The following UBAP2 variants were observed in gnomAD, a reference collection of about 807,000 sequenced individuals.
UBAP2 encodes ubiquitin-associated protein 2.
Under a neutral mutation model 139.6 loss-of-function variants are expected in UBAP2, and 75 were observed. The observed-to-expected ratio is 0.54, with a 90% CI of 0.45 to 0.65. The LOEUF (loss-of-function observed/expected upper bound fraction) is 0.65, where lower values mean the gene tolerates loss of function less well. Among genes scored for constraint, UBAP2 ranks in the 30% least tolerant of loss-of-function variants. The pLI, the probability that UBAP2 is intolerant of heterozygous loss-of-function variation, is 0.00. For synonymous variants in UBAP2, 526 were observed against 526.2 expected (o/e 1.00, Z 0.01); for missense variants, 1,368 against 1,369.6 (o/e 1.00, Z 0.02).
chr9:34,006,134 G>A (rs781276023), intron 2 of UBAP2, among the ~76,000 whole-genome samples: 2 of 151,712 alleles, frequency 1.3e-5, no homozygotes, highest in South Asian at 2.1e-4. Flanking sequence ...TTGGAAAGCC[G>A]AAGCAGGAGA....
At position 34,038,791 on chromosome 9, in the gene UBAP2, A is replaced by T. The variant is rs186470182; in HGVS notation, c.-42+10034T>A. On this transcript the variant is annotated intron_variant, in intron 1 of 28. Transcript: ENST00000379238. ...CCTCTGCCCTGCTGCCCAGACTGGG[A>T]AGTGAGGAGCGCCTCTTCCTGGCCG... Among the ~76,000 whole-genome samples, 1,241 of 145,892 alleles carry T rather than the reference A, an allele frequency of 8.5e-3. 14 individuals are homozygous for T. Among genetic ancestry groups the T allele is most frequent in the African/African-American group, 0.029 (1,139 of 38,756 alleles).
intron 9 of UBAP2, among the ~76,000 whole-genome samples, chr9:33,962,669 TA>T (rs1361280410): frequency 4.0e-4 from 56 of 139,848 alleles, no homozygotes; most frequent in East Asian, 3.1e-3. Context: ...AATAAATAAA[TA>T]AATAAATAAA....
intron 6 of UBAP2, among the ~76,000 whole-genome samples, chr9:33,981,264 GATAT>G (rs1212143318): frequency 1.4e-5 from 1 of 70,672 alleles, no homozygotes; most frequent in African/African-American, 6.7e-5. Flanking sequence ...ATATATTCTG[GATAT>G]ATATATATAT....
At chr9:34,039,350 G>A (rs551211143) in intron 1 of UBAP2, among the ~76,000 whole-genome samples, 4 of 152,230 alleles carry the variant, frequency 2.6e-5, no homozygotes, top group Non-Finnish European at 5.9e-5. Flanking sequence ...CATCTGGGAG[G>A]TGTACCCAAC....
At chr9:33,965,028 T>C (rs1827339798) in intron 8 of UBAP2, among the ~76,000 whole-genome samples, 1 of 152,216 alleles carries the variant, frequency 6.6e-6, no homozygotes, top group South Asian at 2.1e-4. Context: ...CACTCACGGA[T>C]TTGTTTGCTA....
At chr9:33,967,598 G>A (rs919582794) in intron 8 of UBAP2, among the ~76,000 whole-genome samples, 3 of 152,078 alleles carry the variant, frequency 2.0e-5, no homozygotes, top group African/African-American at 7.2e-5. Context: ...CTGAAATAAT[G>A]TATTATCACA....
intron 17 of UBAP2, among the ~76,000 whole-genome samples, chr9:33,935,110 A>G (rs551265217): frequency 7.0e-6 from 1 of 143,002 alleles, no homozygotes; most frequent in East Asian, 2.1e-4. Context: ...AAAAGAAGCA[A>G]TTAACGGATT....
rs1367611770 is a variant in UBAP2, at chr9:33,923,852, A to G, written c.2739T>C (p.Thr913=). ...NPALPPGYSY[T]GLPYYTGMPS... is the part of the protein sequence containing the mutation. ...GCATGCCTGTGTAGTAGGGAAGACCAGTGTAGCTATAGCCAGGTGGCAGTG... is the reference window on the plus strand; with the variant it reads ...GCATGCCTGTGTAGTAGGGAAGACCGGTGTAGCTATAGCCAGGTGGCAGTG... Residue 913 remains threonine, a synonymous_variant, in exon 24 of 29, where the codon ACT becomes ACC. Transcript: ENST00000379238. 1 of 1,614,102 alleles carries G rather than the reference A, an allele frequency of 6.2e-7. No homozygotes were observed. The highest frequency in any genetic ancestry group is 2.2e-5 in the East Asian group (1 of 44,894).
intron 2 of UBAP2, among the ~76,000 whole-genome samples, chr9:33,999,987 G>T (rs1310461645): frequency 6.6e-6 from 1 of 151,698 alleles, no homozygotes; most frequent in Admixed American, 6.6e-5. Context: ...TCACTCTGTC[G>T]CCCAGGCTGG....
intron 4 of UBAP2, among the ~76,000 whole-genome samples, chr9:33,992,028 C>G (rs892839986): frequency 2.6e-5 from 4 of 152,056 alleles, no homozygotes; most frequent in Admixed American, 6.6e-5. Context: ...CCAAGGTGGG[C>G]AGATCATGAG....
intron 1 of UBAP2, among the ~76,000 whole-genome samples, chr9:34,022,520 C>G (rs1222126675): frequency 6.8e-6 from 1 of 146,270 alleles, no homozygotes; most frequent in Non-Finnish European, 1.5e-5. Context: ...CCAGCAACTT[C>G]TGCCTTCCAG....
intron 2 of UBAP2, among the ~76,000 whole-genome samples, chr9:34,004,145 T>C (rs1369425629): frequency 6.6e-6 from 1 of 152,148 alleles, no homozygotes; most frequent in East Asian, 1.9e-4. Flanking sequence ...GCTATAAAGA[T>C]ATATACTCAA....
At chr9:33,953,226 AATAC>A in intron 12 of UBAP2, 55 bp downstream of exon 12, 1 of 1,446,962 alleles carries the variant, frequency 6.9e-7, no homozygotes, top group Admixed American at 2.1e-5. Flanking sequence ...CATATTCTAG[AATAC>A]ATTTGCTAAT....
In UBAP2 at chr9:33,953,599, TG is replaced by T; in HGVS notation, c.867-126del. Reference sequence around the variant, plus strand: ...TCAAATGAGGAGAACCTTTGGAAAATGGGGTTTAAGGGGGCAAAAGGAGGGC... The same window carrying T: ...TCAAATGAGGAGAACCTTTGGAAAATGGGTTTAAGGGGGCAAAAGGAGGGC... On this transcript the variant is annotated intron_variant, in intron 11 of 28. Coordinates refer to ENST00000379238, the MANE Select transcript of UBAP2 (RefSeq NM_001370062.2). 4.8e-6 allele frequency: 5 copies of T among 1,048,046 alleles called. No homozygotes were observed. The South Asian group carries it at 8.8e-5, about 18-fold the overall frequency. 64.9% of individuals were successfully genotyped at this position (1,048,046 alleles called of 1,614,324 possible).
chr9:34,003,507 G>A (rs1228079467), intron 2 of UBAP2, among the ~76,000 whole-genome samples: 1 of 151,454 alleles, frequency 6.6e-6, no homozygotes, highest in African/African-American at 2.4e-5. Context: ...CCAGGTTCAA[G>A]CGATTCTCCA....
intron 10 of UBAP2, among the ~76,000 whole-genome samples, chr9:33,957,564 C>A (rs1353773747): frequency 6.6e-6 from 1 of 152,170 alleles, no homozygotes; most frequent in African/African-American, 2.4e-5. Flanking sequence ...GGGATATATG[C>A]ACACTGTTTT....
intron 13 of UBAP2, 137 bp from the exon 14 acceptor site, chr9:33,944,776 T>A: frequency 2.0e-6 from 2 of 988,902 alleles, no homozygotes; most frequent in Non-Finnish European, 1.5e-6. Flanking sequence ...ACACTATGTG[T>A]AACACTTCAT....
intron 5 of UBAP2, 144 bp from the exon 6 acceptor site, chr9:33,986,981 CA>C (rs1302231561): frequency 1.4e-6 from 1 of 740,452 alleles, no homozygotes; most frequent in Non-Finnish European, 2.3e-6. Flanking sequence ...AAAACAAAAA[CA>C]AAAGTGACTT....
Position 33,923,952 on chromosome 9 carries a change from G to A in UBAP2, c.2639C>T (p.Ala880Val). ...CTGCTGTGGCTGAGCTGGTGTGGTA[G>A]CGGGTGCAGGGGATGCAGAGTCCCC... ...GRGDSASPAP[A>V]TTPAQPQQSQ... The change falls in exon 24 of 29, where the codon GCT becomes GTT. Residue 880 changes from alanine to valine, a missense_variant. Transcript: ENST00000379238. The A allele has an allele frequency of 6.2e-7, 1 of 1,614,142 alleles. No homozygotes were observed. Among genetic ancestry groups the A allele is most frequent in the South Asian group, 1.1e-5 (1 of 91,086 alleles).
Sources: allele counts gnomAD v4.1 joint callset (sites outside exome capture counted in the v4.1 genomes callset), GRCh38; gene constraint gnomAD v4.1.1; transcripts MANE v1.5; gene names NCBI Gene and HGNC (gene_info 2026-07-23, HGNC 2026-07-21).